The following NEK10 variants were observed in gnomAD, a reference collection of about 807,000 sequenced individuals.
NEK10 encodes the protein serine/threonine-protein kinase Nek10.
In NEK10, 122 loss-of-function variants were observed where a neutral mutation model predicts 159.8. The ratio of observed to expected loss-of-function variants is 0.76; its 90% CI spans 0.66 to 0.89. The LOEUF (loss-of-function observed/expected upper bound fraction) is 0.89, where lower values mean the gene tolerates loss of function less well. NEK10 is among the 40% of genes least tolerant of loss of function. The pLI is 0.00. For missense variants in NEK10, 1,342 were observed against 1,323.1 expected (o/e 1.01, Z -0.22); for synonymous variants, 466 against 457.1 (o/e 1.02, Z -0.25).
intron 5 of NEK10, among the ~76,000 whole-genome samples, chr3:27,331,251 C>A (rs7644817): frequency 0.53 from 26,879 of 50,842 alleles, 6,892 homozygotes; most frequent in Middle Eastern, 0.74. Context: ...AAAAAAAAAA[C>A]AAAAAAAAAA....
chr3:27,313,100 C>CA (rs56742417), intron 7 of NEK10, among the ~76,000 whole-genome samples: 4,687 of 114,032 alleles, frequency 0.041, 91 homozygotes, highest in African/African-American at 0.067. Context: ...ACTAAAAATA[C>CA]AAAAAAAAAA....
chr3:27,251,302 C>T (rs1026420314), intron 23 of NEK10, among the ~76,000 whole-genome samples: 1 of 152,184 alleles, frequency 6.6e-6, no homozygotes, highest in Non-Finnish European at 1.5e-5. Context: ...TTTTGAAAAT[C>T]CCTGCCCAAA....
At chr3:27,163,555 T>C (rs1311824470) in intron 29 of NEK10, among the ~76,000 whole-genome samples, 1 of 152,006 alleles carries the variant, frequency 6.6e-6, no homozygotes, top group Non-Finnish European at 1.5e-5. Context: ...TGTTTCACCA[T>C]GTTAGCCAGG....
intron 23 of NEK10, among the ~76,000 whole-genome samples, chr3:27,223,590 C>A (rs979933919): frequency 6.6e-6 from 1 of 152,210 alleles, no homozygotes; most frequent in Admixed American, 6.5e-5. Context: ...TCTGACACTA[C>A]TTTCTTCTAG....
intron 23 of NEK10, among the ~76,000 whole-genome samples, chr3:27,219,119 A>G (rs755863199): frequency 2.0e-5 from 3 of 152,226 alleles, no homozygotes; most frequent in Non-Finnish European, 4.4e-5. Flanking sequence ...CAAAACTTAA[A>G]TAAGCCTCTT....
intron 23 of NEK10, among the ~76,000 whole-genome samples, chr3:27,216,901 T>C (rs975251929): frequency 2.6e-5 from 4 of 152,246 alleles, no homozygotes; most frequent in Non-Finnish European, 5.9e-5. Flanking sequence ...CATCAGAGTA[T>C]GAACAATTTA....
intron 22 of NEK10, among the ~76,000 whole-genome samples, chr3:27,274,629 A>G (rs187330132): frequency 2.8e-3 from 428 of 152,080 alleles, no homozygotes; most frequent in Non-Finnish European, 5.1e-3. Flanking sequence ...TTTTTTTCAC[A>G]TATGCGCACA....
At chr3:27,343,480 A>T (rs920685431) in intron 5 of NEK10, among the ~76,000 whole-genome samples, 1 of 152,218 alleles carries the variant, frequency 6.6e-6, no homozygotes, top group African/African-American at 2.4e-5. Flanking sequence ...AAATCACAAC[A>T]AAGTGACAAG....
intron 23 of NEK10, among the ~76,000 whole-genome samples, chr3:27,250,403 G>T (rs551254924): frequency 2.6e-5 from 4 of 152,152 alleles, no homozygotes; most frequent in Admixed American, 2.6e-4. Context: ...AGTCAGGATG[G>T]TCTCGATCTC....
intron 25 of NEK10, among the ~76,000 whole-genome samples, chr3:27,199,988 C>G (rs1325071450): frequency 6.6e-6 from 1 of 151,976 alleles, no homozygotes; most frequent in Non-Finnish European, 1.5e-5. Flanking sequence ...AGGAGAGCAT[C>G]AGGAAAAATA....
intron 29 of NEK10, among the ~76,000 whole-genome samples, chr3:27,163,108 A>G (rs545871820): frequency 8.0e-6 from 1 of 125,572 alleles, no homozygotes; most frequent in South Asian, 2.8e-4. Context: ...CTGCTCTATT[A>G]AAAAAACAAA....
intron 23 of NEK10, among the ~76,000 whole-genome samples, chr3:27,239,254 T>C (rs1316365215): frequency 6.6e-6 from 1 of 152,212 alleles, no homozygotes; most frequent in African/African-American, 2.4e-5. Flanking sequence ...TAAAACTTCC[T>C]GAATATTATC....
intron 5 of NEK10, among the ~76,000 whole-genome samples, chr3:27,324,250 C>T (rs1288362553): frequency 6.6e-6 from 1 of 152,192 alleles, no homozygotes; most frequent in African/African-American, 2.4e-5. Flanking sequence ...TCAGTCAGCT[C>T]CTAATGTTGC....
Position 27,106,888 on chromosome 3 carries a change from C to T in NEK10, c.*4384G>A, listed in dbSNP as rs993462052. Among the ~76,000 whole-genome samples, 7 of 152,142 alleles carry T rather than the reference C, an allele frequency of 4.6e-5. No homozygotes were observed. Among genetic ancestry groups the T allele is most frequent in the African/African-American group, 1.7e-4 (7 of 41,428 alleles). On this transcript the variant is annotated 3_prime_UTR_variant, in exon 36 of 36. Coordinates refer to ENST00000691995, the MANE Select transcript of NEK10 (RefSeq NM_001394966.1). Reference sequence around the variant, plus strand: ...TAGGAGAAAGAAAGGTAAGCTATTTCCAAATGACAGCATTTAAACAGTCAC... The same window carrying T: ...TAGGAGAAAGAAAGGTAAGCTATTTTCAAATGACAGCATTTAAACAGTCAC...
At chr3:27,206,506 T>C in intron 23 of NEK10, 4 of 797,006 alleles carry the variant, frequency 5.0e-6, no homozygotes, top group Non-Finnish European at 6.1e-6. Flanking sequence ...CCCTCTCAGA[T>C]ACCATATAAT....
At chr3:27,212,284 A>G (rs1951074492) in intron 23 of NEK10, among the ~76,000 whole-genome samples, 1 of 152,258 alleles carries the variant, frequency 6.6e-6, no homozygotes, top group Non-Finnish European at 1.5e-5. Flanking sequence ...TAGCTAACGC[A>G]TATTTCAAAG....
At chr3:27,171,912 T>G in intron 28 of NEK10, 39 bp from the exon 29 acceptor site, 1 of 1,575,268 alleles carries the variant, frequency 6.3e-7, no homozygotes, top group Non-Finnish European at 8.7e-7. Flanking sequence ...CATTATTTCC[T>G]CTGCAAATCT....
rs768335456 is a variant in NEK10, at chr3:27,201,575, C to T, written c.2226G>A (p.Val742=). 15 of 1,613,456 alleles carry T rather than the reference C, an allele frequency of 9.3e-6. No homozygotes were observed. In the East Asian group the frequency reaches 3.3e-4, roughly 36 times the overall value. ...CTGGGACTGGTTCATATACCGCCTC[C>T]ACTATCTGCAAAACAAACAGACTAG... ...TNMLSLATKI[V]EAVYEPVPEG... Residue 742 remains valine (V), a synonymous_variant, in exon 25 of 36, where the codon GTG becomes GTA. Transcript: ENST00000691995.
intron 23 of NEK10, among the ~76,000 whole-genome samples, chr3:27,228,326 C>T (rs1233005839): frequency 6.6e-6 from 1 of 152,004 alleles, no homozygotes; most frequent in African/African-American, 2.4e-5. Flanking sequence ...TTGGAATTAC[C>T]ACTTTCCCTC....
Sources: gnomAD v4.1 joint callset for allele counts (sites outside exome capture counted in the v4.1 genomes callset) on GRCh38, gnomAD v4.1.1 for gene constraint, MANE v1.5 for transcripts, NCBI Gene and HGNC (gene_info 2026-07-23, HGNC 2026-07-21) for gene names.